MARCHF1: variants seen among roughly 807,000 people sequenced by gnomAD.
The protein encoded by MARCHF1 is E3 ubiquitin-protein ligase MARCHF1.
Under a neutral mutation model 54.2 loss-of-function variants are expected in MARCHF1, and 40 were observed. That is an observed-to-expected ratio of 0.74 (90% CI 0.57 to 0.96). The LOEUF is 0.96. MARCHF1 is among the 40% of genes least tolerant of loss of function. The pLI, the probability that MARCHF1 is intolerant of heterozygous loss-of-function variation, is 0.00. For synonymous variants in MARCHF1, 236 were observed against 236.3 expected (o/e 1.00, Z 0.01); for missense variants, 586 against 656.5 (o/e 0.89, Z 1.17).
At chr4:163,821,760 T>C (rs966450674) in intron 4 of MARCHF1, among the ~76,000 whole-genome samples, 17 of 149,532 alleles carry the variant, frequency 1.1e-4, no homozygotes, top group African/African-American at 3.2e-4. Flanking sequence ...AACTCAAATC[T>C]CTTACATATT....
chr4:164,222,173 T>C (rs1300198656), intron 1 of MARCHF1, among the ~76,000 whole-genome samples: 1 of 151,984 alleles, frequency 6.6e-6, no homozygotes, highest in Non-Finnish European at 1.5e-5. Context: ...AAACTTAAAC[T>C]GTTTTGCTGT....
intron 9 of MARCHF1, among the ~76,000 whole-genome samples, chr4:163,540,475 TAAC>T (rs1447865700): frequency 1.3e-5 from 2 of 152,190 alleles, no homozygotes; most frequent in East Asian, 1.9e-4. Context: ...GGTAGATTAT[TAAC>T]AACAACAAAA....
intron 2 of MARCHF1, among the ~76,000 whole-genome samples, chr4:163,996,178 T>C (rs1320647525): frequency 6.6e-6 from 1 of 151,948 alleles, no homozygotes; most frequent in East Asian, 1.9e-4. Context: ...AAATCACAGG[T>C]ATAATTAATC....
At chr4:163,597,919 A>G (rs1291279177) in intron 7 of MARCHF1, among the ~76,000 whole-genome samples, 2 of 152,304 alleles carry the variant, frequency 1.3e-5, no homozygotes, top group Middle Eastern at 6.8e-3. Flanking sequence ...TGCCAACCCT[A>G]TGATTAATTT....
intron 3 of MARCHF1, among the ~76,000 whole-genome samples, chr4:163,977,687 AT>A (rs1156621532): frequency 6.6e-6 from 1 of 152,246 alleles, no homozygotes; most frequent in African/African-American, 2.4e-5. Context: ...TGAAGTCATC[AT>A]TGTGCAGTTG....
chr4:164,161,051 T>G (rs963244105), intron 1 of MARCHF1, among the ~76,000 whole-genome samples: 1 of 152,264 alleles, frequency 6.6e-6, no homozygotes, highest in South Asian at 2.1e-4. Flanking sequence ...CCAATTGATA[T>G]AGTTTGGATG....
intron 2 of MARCHF1, among the ~76,000 whole-genome samples, chr4:164,044,571 A>G: frequency 6.8e-6 from 1 of 146,474 alleles, no homozygotes; most frequent in African/African-American, 2.5e-5. Flanking sequence ...TATCAATATC[A>G]TAATTAAAAT....
intron 3 of MARCHF1, among the ~76,000 whole-genome samples, chr4:163,976,109 G>C (rs1752645362): frequency 6.6e-6 from 1 of 152,160 alleles, no homozygotes; most frequent in Non-Finnish European, 1.5e-5. Flanking sequence ...TGAAGAACTA[G>C]CAACAAGTGC....
intron 1 of MARCHF1, among the ~76,000 whole-genome samples, chr4:164,214,327 T>C (rs941580758): frequency 1.3e-5 from 2 of 152,170 alleles, no homozygotes; most frequent in African/African-American, 2.4e-5. Flanking sequence ...CCTAACTGCT[T>C]CCTATCTGGT....
At chr4:164,147,789 T>A (rs903325592) in intron 1 of MARCHF1, among the ~76,000 whole-genome samples, 1 of 149,588 alleles carries the variant, frequency 6.7e-6, no homozygotes, top group South Asian at 2.1e-4. Context: ...AACCTGCACA[T>A]TGTGCACATG....
intron 2 of MARCHF1, among the ~76,000 whole-genome samples, chr4:164,101,401 C>G (rs1309751687): frequency 1.6e-5 from 2 of 122,134 alleles, no homozygotes; most frequent in South Asian, 5.9e-4. Flanking sequence ...TCTCCCAGCA[C>G]GCAGCTGGAG....
chr4:163,773,961 ATC>A (rs1747232822), intron 4 of MARCHF1, among the ~76,000 whole-genome samples: 1 of 152,160 alleles, frequency 6.6e-6, no homozygotes, highest in Non-Finnish European at 1.5e-5. Flanking sequence ...TCAGAATCAT[ATC>A]TGTTTTTTAT....
chr4:163,766,140 A>G (rs1746970980), intron 4 of MARCHF1, among the ~76,000 whole-genome samples: 1 of 151,810 alleles, frequency 6.6e-6, no homozygotes, highest in South Asian at 2.1e-4. Flanking sequence ...ATACCCCTAA[A>G]TGGTATATCA....
intron 1 of MARCHF1, among the ~76,000 whole-genome samples, chr4:164,228,298 C>T (rs990554453): frequency 1.3e-5 from 2 of 152,090 alleles, no homozygotes; most frequent in African/African-American, 4.8e-5. Flanking sequence ...TTATCTGTCC[C>T]ATTAACTTAA....
intron 4 of MARCHF1, among the ~76,000 whole-genome samples, chr4:163,771,918 TA>T (rs1747172678): frequency 6.6e-6 from 1 of 152,160 alleles, no homozygotes; most frequent in African/African-American, 2.4e-5. Flanking sequence ...CTATCTAACA[TA>T]AAAATGGTGA....
intron 2 of MARCHF1, among the ~76,000 whole-genome samples, chr4:164,053,899 G>A (rs1251214940): frequency 1.3e-5 from 2 of 152,050 alleles, no homozygotes; most frequent in African/African-American, 4.8e-5. Flanking sequence ...CAAAAGCAAT[G>A]GCAACAAAGA....
chr4:163,821,623 C>T (rs1242449525), intron 4 of MARCHF1, among the ~76,000 whole-genome samples: 1 of 151,880 alleles, frequency 6.6e-6, no homozygotes, highest in East Asian at 1.9e-4. Context: ...AAAGTGACTG[C>T]TTTAATTAGT....
At chr4:164,063,452 G>T (rs1467209874) in intron 2 of MARCHF1, among the ~76,000 whole-genome samples, 1 of 152,174 alleles carries the variant, frequency 6.6e-6, no homozygotes, top group Admixed American at 6.5e-5. Flanking sequence ...TATGAAGATG[G>T]TGTCTTTTCT....
intron 3 of MARCHF1, among the ~76,000 whole-genome samples, chr4:163,856,673 G>C (rs2111177222): frequency 6.6e-6 from 1 of 152,240 alleles, no homozygotes; most frequent in East Asian, 1.9e-4. Context: ...TGTCAGGTAT[G>C]TTAGAATCAC....
Sources: allele counts gnomAD v4.1 joint callset (sites outside exome capture counted in the v4.1 genomes callset), GRCh38; gene constraint gnomAD v4.1.1; transcripts MANE v1.5; gene names NCBI Gene and HGNC (gene_info 2026-07-23, HGNC 2026-07-21).